TULP4: variants seen among roughly 807,000 people sequenced by gnomAD.
TULP4 encodes the protein TUB like protein 4, also known as tubby-related protein 4.
TULP4 carries 16 observed loss-of-function variants against 129.0 expected under a neutral mutation model. That is an observed-to-expected ratio of 0.12 (90% CI 0.08 to 0.19). TULP4 has a LOEUF of 0.19. Ranked by LOEUF, TULP4 falls within the 10% of genes least tolerant of loss-of-function variation. The probability of loss-of-function intolerance (pLI) is 1.00; values close to 1 mark genes in which losing one functional copy is unlikely to be tolerated. For missense variants in TULP4, 1,842 were observed against 2,059.1 expected (o/e 0.89, Z 2.04); for synonymous variants, 998 against 854.0 (o/e 1.17, Z -2.94).
intron 12 of TULP4, 49 bp downstream of exon 12, chr6:158,498,861 A>G: frequency 6.2e-7 from 1 of 1,605,634 alleles, no homozygotes; most frequent in East Asian, 2.2e-5. Flanking sequence ...CTGTCAGTAG[A>G]TCATGCAAGG....
In TULP4 at chr6:158,243,619, T is replaced by C. The variant is rs1005222740; in HGVS notation, n.68+11316T>C. On this transcript the variant is annotated intron_variant and non_coding_transcript_variant, in intron 1 of 1. Transcript: ENST00000620026. Reference sequence around the variant, plus strand: ...TTCTTTGCATCCTTGTAATGTAAAATATGTTATTTTATTTCTTGTGTTTCC... The same window carrying C: ...TTCTTTGCATCCTTGTAATGTAAAACATGTTATTTTATTTCTTGTGTTTCC... Among the ~76,000 whole-genome samples the C allele has an allele frequency of 2.0e-5, 3 of 152,136 alleles. No homozygotes were observed. In the South Asian group the frequency reaches 6.2e-4, roughly 31 times the overall value.
chr6:158,297,272 G>A (rs544997987), intron 1 of TULP4, among the ~76,000 whole-genome samples: 22 of 152,280 alleles, frequency 1.4e-4, no homozygotes, highest in African/African-American at 4.8e-4. Flanking sequence ...AAATATGGCT[G>A]TATTCTGCCT....
At chr6:158,404,023 T>G (rs1777915429) in intron 1 of TULP4, among the ~76,000 whole-genome samples, 2 of 152,214 alleles carry the variant, frequency 1.3e-5, no homozygotes, top group South Asian at 4.1e-4. Flanking sequence ...ATATGGTAGT[T>G]GGGAGAATCA....
At chr6:158,368,629 T>C (rs1010348663) in intron 1 of TULP4, among the ~76,000 whole-genome samples, 1 of 152,208 alleles carries the variant, frequency 6.6e-6, no homozygotes, top group African/African-American at 2.4e-5. Context: ...CTGGTTCATT[T>C]CTTTCAGTTT....
rs1554272522 is a variant in TULP4, at chr6:158,236,795, C to CTTTTCTTTTTTTTTT, written n.68+4496_68+4497insCTTTTTTTTTTTTTT. On this transcript the variant is annotated intron_variant and non_coding_transcript_variant, in intron 1 of 1. Transcript: ENST00000620026. Reference sequence around the variant, plus strand: ...AGATGGGTAAATGCCCAATTCTTTTCTTTTTTTTTTTTTTTTTTTTTTTTT... The same window carrying CTTTTCTTTTTTTTTT: ...AGATGGGTAAATGCCCAATTCTTTTCTTTTCTTTTTTTTTTTTTTTTTTTTTTTTTTTTTTTTTTT... 8.4e-4 allele frequency among the ~76,000 whole-genome samples: 53 copies of CTTTTCTTTTTTTTTT among 63,308 alleles called. 6 individuals carry two copies. Among genetic ancestry groups the CTTTTCTTTTTTTTTT allele is most frequent in the Non-Finnish European group, 1.0e-3 (33 of 32,238 alleles). The allele number at this position is 63,308 out of a possible 152,430, so 41.5% of individuals were successfully genotyped here.
intron 1 of TULP4, among the ~76,000 whole-genome samples, chr6:158,372,237 A>G (rs1777090360): frequency 6.8e-6 from 1 of 147,930 alleles, no homozygotes; most frequent in Non-Finnish European, 1.5e-5. Flanking sequence ...GAATTCAACA[A>G]TAGCAAAACA....
At chr6:158,440,986 A>G (rs1778882420) in intron 3 of TULP4, among the ~76,000 whole-genome samples, 1 of 152,206 alleles carries the variant, frequency 6.6e-6, no homozygotes, top group Middle Eastern at 3.2e-3. Context: ...GTATTGATGA[A>G]TTATAAAATA....
At chr6:158,238,929 A>G (rs1777783503) in intron 1 of TULP4, among the ~76,000 whole-genome samples, 1 of 131,518 alleles carries the variant, frequency 7.6e-6, no homozygotes, top group South Asian at 2.7e-4. Context: ...GCCCGTTCTC[A>G]ATGAGCTGTT....
chr6:158,465,292 A>C (rs993435450), intron 6 of TULP4, among the ~76,000 whole-genome samples: 6 of 152,192 alleles, frequency 3.9e-5, no homozygotes, highest in African/African-American at 1.4e-4. Context: ...CACTTAGCAT[A>C]ATGTCCTTAA....
chr6:158,374,457 C>G (rs1419934205), intron 1 of TULP4, among the ~76,000 whole-genome samples: 3 of 152,108 alleles, frequency 2.0e-5, no homozygotes, highest in Non-Finnish European at 4.4e-5. Flanking sequence ...CTTTAGTCTT[C>G]TTTTGTATTC....
Position 158,501,882 on chromosome 6 carries a change from G to A in TULP4, c.2219G>A (p.Ser740Asn). Residue 740 changes from serine (S) to asparagine (N), a missense_variant, in exon 13 of 14, where the codon AGT becomes AAT. Around this residue, in one of 5 missense-constraint regions of TULP4, gnomAD observed 1,089 missense variants for 987.1 expected, o/e 1.10. Coordinates refer to ENST00000367097, the MANE Select transcript of TULP4 (RefSeq NM_020245.5). ...AVGTAEHAGD[S>N]ATQYPVSNRY... ...GGGACAGCAGAACATGCAGGTGACA[G>A]TGCCACCCAGTACCCAGTCTCCAAC... 2 of 1,614,152 alleles carry A rather than the reference G, an allele frequency of 1.2e-6. No individual in the cohort carries two copies. Among genetic ancestry groups the A allele is most frequent in the East Asian group, 2.2e-5 (1 of 44,868 alleles).
intron 1 of TULP4, among the ~76,000 whole-genome samples, chr6:158,358,366 G>A (rs183200648): frequency 1.6e-3 from 247 of 152,210 alleles, no homozygotes; most frequent in African/African-American, 5.5e-3. Context: ...ACCCTACTGA[G>A]GTATTTTATT....
intron 1 of TULP4, chr6:158,242,185 G>GT: frequency 1.6e-6 from 2 of 1,277,770 alleles, no homozygotes; most frequent in African/African-American, 1.5e-5. Flanking sequence ...AGTCTCATCA[G>GT]TGTCTTCTGA....
intron 1 of TULP4, among the ~76,000 whole-genome samples, chr6:158,256,267 T>TC (rs998068502): frequency 2.0e-4 from 31 of 152,046 alleles, no homozygotes; most frequent in African/African-American, 7.2e-4. Flanking sequence ...GTTTTCTTTT[T>TC]TCTTTGCCAG....
At position 158,503,008 on chromosome 6, in the gene TULP4, C is replaced by T. The variant is rs766389162; in HGVS notation, c.3345C>T (p.Thr1115=). 8.7e-6 allele frequency: 14 copies of T among 1,613,972 alleles called. No individual in the cohort carries two copies. The highest frequency in any genetic ancestry group is 6.7e-5 in the African/African-American group (5 of 74,910). Residue 1115 remains threonine, a synonymous_variant, in exon 13 of 14, where the codon ACC becomes ACT. Coordinates refer to ENST00000367097, the MANE Select transcript of TULP4 (RefSeq NM_020245.5). This position sits in a 1 kb window ranked among gnomAD's most constrained non-coding sequence, Gnocchi z 4.3. ...CTCCCCTGCCTGAAGCTGCTGTCAC[C>T]CTGAAACGGCCACCCCCTTACCAGT... is the stretch of plus-strand genomic sequence containing the variant. ...RHPPLPEAAV[T]LKRPPPYQWD...
chr6:158,394,786 CAAAAAAAAAAAAAAA>C (rs71030166), intron 1 of TULP4, among the ~76,000 whole-genome samples: 8 of 46,016 alleles, frequency 1.7e-4, no homozygotes, highest in South Asian at 1.6e-3. Flanking sequence ...GGCTCTGTCT[CAAAAAAAAAAAAAAA>C]AAAAAAAAAA....
intron 1 of TULP4, among the ~76,000 whole-genome samples, chr6:158,303,233 G>A (rs1779159113): frequency 6.6e-6 from 1 of 151,834 alleles, no homozygotes; most frequent in African/African-American, 2.4e-5. Context: ...ACCAGCCAGA[G>A]TGGAAACAGG....
chr6:158,415,528 AT>A (rs34468141), intron 2 of TULP4, among the ~76,000 whole-genome samples: 208 of 135,486 alleles, frequency 1.5e-3, no homozygotes, highest in Admixed American at 2.3e-3. Flanking sequence ...TTTTTTTTGT[AT>A]TTTTTTTTTT....
chr6:158,414,329 A>C (rs1583850017), intron 2 of TULP4, among the ~76,000 whole-genome samples: 1 of 126,502 alleles, frequency 7.9e-6, no homozygotes, highest in African/African-American at 2.5e-5. Flanking sequence ...GTGAGTGGAC[A>C]TGTGATTAAG....
Sources: allele counts gnomAD v4.1 joint callset (sites outside exome capture counted in the v4.1 genomes callset), GRCh38; gene constraint gnomAD v4.1.1; regional missense constraint gnomAD v4.1.1; non-coding constraint Gnocchi (gnomAD v3.1); transcripts MANE v1.5; gene names NCBI Gene and HGNC (gene_info 2026-07-23, HGNC 2026-07-21).